Variants in PPP2R1A observed in about 807,000 individuals in gnomAD.
PPP2R1A encodes the protein serine/threonine-protein phosphatase 2A 65 kDa regulatory subunit A alpha isoform.
PPP2R1A carries 15 observed loss-of-function variants against 67.1 expected under a neutral mutation model. That is an observed-to-expected ratio of 0.22 (90% CI 0.15 to 0.34). PPP2R1A has a LOEUF of 0.34. Ranked by LOEUF, PPP2R1A falls within the 10% of genes least tolerant of loss-of-function variation. PPP2R1A has a pLI of 1.00. For synonymous variants in PPP2R1A, 337 were observed against 325.0 expected (o/e 1.04, Z -0.40); for missense variants, 369 against 775.0 (o/e 0.48, Z 6.22).
In PPP2R1A at chr19:52,200,013, G is replaced by A. The variant is rs552140195; in HGVS notation, c.79-1931G>A. ...CATCAGATGCTCATCGTCTGTGATC[G>A]CAGAGATATTCTTCAACTCCTGGAC... On this transcript the variant is annotated intron_variant, in intron 1 of 14. Transcript: ENST00000322088. Among the ~76,000 whole-genome samples the A allele has an allele frequency of 4.6e-5, 7 of 152,288 alleles. No homozygotes were observed. The South Asian group carries it at 1.4e-3, about 32-fold the overall frequency.
intron 2 of PPP2R1A, among the ~76,000 whole-genome samples, chr19:52,203,549 G>A (rs1272396730): frequency 1.3e-5 from 2 of 152,104 alleles, no homozygotes; most frequent in Non-Finnish European, 2.9e-5. Flanking sequence ...CCTAACACTC[G>A]GGGTGTGTAG....
At chr19:52,221,251 C>T (rs2122365849) in intron 12 of PPP2R1A, 118 bp downstream of exon 12, 2 of 1,407,818 alleles carry the variant, frequency 1.4e-6, no homozygotes, top group Admixed American at 1.9e-5. Flanking sequence ...ACATGGAGTG[C>T]ATCTTCTATC....
chr19:52,217,636 C>G lies in PPP2R1A; in HGVS notation c.1128+973C>G, dbSNP rs543420163. Among the ~76,000 whole-genome samples, 209 of 152,230 alleles carry G rather than the reference C, an allele frequency of 1.4e-3. 1 individual carries two copies. Among genetic ancestry groups the G allele is most frequent in the Non-Finnish European group, 2.7e-3 (182 of 68,022 alleles). ...TTTTTAGGGTTTAGGCTAAGGTGCT[C>G]TAATATAGACCCCAGAATACATTCT... On this transcript the variant is annotated intron_variant, in intron 9 of 14. Transcript: ENST00000322088.
chr19:52,206,232 G>A (rs112837308), intron 3 of PPP2R1A, among the ~76,000 whole-genome samples, 169 bp downstream of exon 3: 2,160 of 152,260 alleles, frequency 0.014, 50 homozygotes, highest in African/African-American at 0.05. Flanking sequence ...TTTTAATATC[G>A]TGAACTCAGG....
intron 2 of PPP2R1A, 31 bp from the exon 3 acceptor site, chr19:52,205,932 G>T: frequency 6.4e-7 from 1 of 1,573,222 alleles, no homozygotes; most frequent in Non-Finnish European, 8.7e-7. Context: ...GTTGAGATGG[G>T]ATAGTCACGA....
In PPP2R1A at chr19:52,209,354, C is replaced by G. The variant is rs576089460; in HGVS notation, c.271-1906C>G. Among the ~76,000 whole-genome samples the G allele has an allele frequency of 1.2e-4, 18 of 152,302 alleles. No homozygotes were observed. The South Asian group carries it at 3.7e-3, about 32-fold the overall frequency. ...CAGTCACACCGCACCTATGGTCACA[C>G]TCCCATGATACTGTCCTGAACTTGA... On this transcript the variant is annotated intron_variant, in intron 3 of 14. Transcript: ENST00000322088.
chr19:52,225,609 G>C (rs1325746642), intron 13 of PPP2R1A, 108 bp from the exon 14 acceptor site: 4 of 943,304 alleles, frequency 4.2e-6, no homozygotes, highest in Non-Finnish European at 3.3e-6. Flanking sequence ...CTTGGGTTTG[G>C]TGTATCCGTG....
intron 1 of PPP2R1A, among the ~76,000 whole-genome samples, chr19:52,194,035 C>T (rs1052434179): frequency 2.1e-5 from 3 of 143,936 alleles, no homozygotes; most frequent in Non-Finnish European, 4.5e-5. Context: ...ATTGCTTGAA[C>T]CAGGGAGATC....
At chr19:52,197,263 TC>T (rs1172544511) in intron 1 of PPP2R1A, among the ~76,000 whole-genome samples, 2 of 152,234 alleles carry the variant, frequency 1.3e-5, no homozygotes, top group Non-Finnish European at 2.9e-5. Flanking sequence ...TGTTCACATG[TC>T]ATTTCTGCTA....
chr19:52,199,233 C>G (rs1038024938), intron 1 of PPP2R1A, among the ~76,000 whole-genome samples: 1 of 151,974 alleles, frequency 6.6e-6, no homozygotes, highest in African/African-American at 2.4e-5. Flanking sequence ...GTGGCACCAT[C>G]TCGGCTCACT....
rs1222346247 is a variant in PPP2R1A, at chr19:52,225,817, T to G, written c.1753+9T>G. ...CCAGGAGGCTCTGACTGGTAAGACC[T>G]AGAAAGCACGGAGCCCTAGCAGGAG... On this transcript the variant is annotated intron_variant, in intron 14 of 14. Coordinates refer to ENST00000322088, the MANE Select transcript of PPP2R1A (RefSeq NM_014225.6). 9 of 1,613,450 alleles carry G rather than the reference T, an allele frequency of 5.6e-6. No homozygotes were observed. Among genetic ancestry groups the G allele is most frequent in the Non-Finnish European group, 6.8e-6 (8 of 1,179,484 alleles).
chr19:52,220,680 T>C (rs956286560), intron 11 of PPP2R1A, among the ~76,000 whole-genome samples: 2 of 152,178 alleles, frequency 1.3e-5, no homozygotes, highest in Non-Finnish European at 2.9e-5. Context: ...TGTGAAGCCC[T>C]GTTTGAAGTA....
chr19:52,207,911 A>G (rs1055939249), intron 3 of PPP2R1A, among the ~76,000 whole-genome samples: 3 of 152,086 alleles, frequency 2.0e-5, no homozygotes, highest in South Asian at 4.1e-4. Flanking sequence ...AAGGCGCCTA[A>G]CCTGCTTAGG....
In PPP2R1A at chr19:52,211,304, G is replaced by A; in HGVS notation, c.315G>A (p.Arg105=). 6.2e-7 allele frequency: 1 copy of A among 1,613,418 alleles called. No individual in the cohort carries two copies. Among genetic ancestry groups the A allele is most frequent in the Non-Finnish European group, 8.5e-7 (1 of 1,179,930 alleles). ...CCACAGTGGAGGAGACAGTGGTGCGGGACAAGGCAGTGGAGTCCTTACGGG... is the reference window on the plus strand; with the variant it reads ...CCACAGTGGAGGAGACAGTGGTGCGAGACAAGGCAGTGGAGTCCTTACGGG... ...SLATVEETVV[R]DKAVESLRAI... is the part of the protein sequence containing the mutation. The change falls in exon 4 of 15, where the codon CGG becomes CGA. Residue 105 remains arginine (R), a synonymous_variant. Transcript: ENST00000322088. The surrounding 1 kb of genome is among the most constrained non-coding windows in gnomAD (Gnocchi z 5.3).
chr19:52,220,360 G>T lies in PPP2R1A; in HGVS notation c.1363+111G>T, dbSNP rs1480658226. On this transcript the variant is annotated intron_variant, in intron 11 of 14. Transcript: ENST00000322088. ...GGAGGCTAGAGTCACTCCCCACGCC[G>T]CTGGATGCTCGTATGGACCAGCTCG... is the stretch of plus-strand genomic sequence containing the variant. 3.4e-6 allele frequency: 4 copies of T among 1,167,916 alleles called. No individual in the cohort carries two copies. In the South Asian group the frequency reaches 3.7e-5, roughly 11 times the overall value. 72.3% of individuals were successfully genotyped at this position (1,167,916 alleles called of 1,614,324 possible).
intron 2 of PPP2R1A, among the ~76,000 whole-genome samples, chr19:52,204,486 C>T (rs1035062062): frequency 2.0e-5 from 3 of 152,164 alleles, no homozygotes; most frequent in African/African-American, 7.2e-5. Context: ...TCAGAAGGAG[C>T]TGCCAACCCT....
At chr19:52,197,101 C>A (rs1222588977) in intron 1 of PPP2R1A, among the ~76,000 whole-genome samples, 1 of 152,138 alleles carries the variant, frequency 6.6e-6, no homozygotes, top group East Asian at 1.9e-4. Flanking sequence ...CCAGGCAGGT[C>A]CATGAATTTG....
Position 52,211,219 on chromosome 19 carries a change from T to G in PPP2R1A, c.271-41T>G. On this transcript the variant is annotated intron_variant, in intron 3 of 14. Coordinates refer to ENST00000322088, the MANE Select transcript of PPP2R1A (RefSeq NM_014225.6). The surrounding 1 kb of genome is among the most constrained non-coding windows in gnomAD (Gnocchi z 5.3). ...GATGGGGCTCCAGGGCTGCGGATGG[T>G]GGAGAGGGAGCTGTCCAGTGACTTT... is the stretch of plus-strand genomic sequence containing the variant. 1.9e-6 allele frequency: 3 copies of G among 1,583,946 alleles called. No homozygotes were observed. The highest frequency in any genetic ancestry group is 2.6e-6 in the Non-Finnish European group (3 of 1,161,478).
At chr19:52,192,932 A>T (rs559313351) in intron 1 of PPP2R1A, among the ~76,000 whole-genome samples, 1 of 152,196 alleles carries the variant, frequency 6.6e-6, no homozygotes, top group African/African-American at 2.4e-5. Context: ...CCAGAGTTGC[A>T]TGGTTGTAAC....
Sources: gnomAD v4.1 joint callset for allele counts (sites outside exome capture counted in the v4.1 genomes callset) on GRCh38, gnomAD v4.1.1 for gene constraint, Gnocchi (gnomAD v3.1) non-coding constraint, MANE v1.5 for transcripts, NCBI Gene and HGNC (gene_info 2026-07-23, HGNC 2026-07-21) for gene names.